RORA: variants seen among roughly 807,000 people sequenced by gnomAD.
The protein encoded by RORA is RAR related orphan receptor A.
Under a neutral mutation model 69.5 loss-of-function variants are expected in RORA, and 7 were observed. That is an observed-to-expected ratio of 0.10 (90% CI 0.06 to 0.19). The LOEUF (loss-of-function observed/expected upper bound fraction) is 0.19. Ranked by LOEUF, RORA falls within the 10% of genes least tolerant of loss-of-function variation. The pLI is 1.00. For missense variants in RORA, 457 were observed against 663.0 expected (o/e 0.69, Z 3.41); for synonymous variants, 261 against 240.8 (o/e 1.08, Z -0.78).
chr15:60,957,432 G>T (rs1893301076), intron 1 of RORA, among the ~76,000 whole-genome samples: 1 of 152,242 alleles, frequency 6.6e-6, no homozygotes, highest in Non-Finnish European at 1.5e-5. Context: ...TGTAGCTGTT[G>T]TTCCAACAGT....
intron 1 of RORA, among the ~76,000 whole-genome samples, chr15:60,976,935 A>G (rs973064012): frequency 2.6e-5 from 4 of 152,166 alleles, no homozygotes; most frequent in African/African-American, 4.8e-5. Flanking sequence ...GCCTGGAAGT[A>G]AATATCACTT....
At chr15:60,692,922 A>G (rs1169890204) in intron 1 of RORA, among the ~76,000 whole-genome samples, 1 of 152,204 alleles carries the variant, frequency 6.6e-6, no homozygotes, top group Non-Finnish European at 1.5e-5. Context: ...ACAATTGAAA[A>G]AGAGGGACTC....
chr15:61,015,630 C>T (rs1020040809), intron 1 of RORA, among the ~76,000 whole-genome samples: 18 of 152,106 alleles, frequency 1.2e-4, no homozygotes, highest in African/African-American at 3.9e-4. Context: ...ACCACAATGC[C>T]ATGAAGTCTG....
chr15:60,748,307 G>T (rs2071676336), intron 1 of RORA, among the ~76,000 whole-genome samples: 1 of 57,038 alleles, frequency 1.8e-5, no homozygotes. Flanking sequence ...GATATAATTA[G>T]CGAAAAAAAA....
At chr15:60,809,791 T>TG (rs1378316852) in intron 1 of RORA, among the ~76,000 whole-genome samples, 69 of 151,354 alleles carry the variant, frequency 4.6e-4, no homozygotes, top group Non-Finnish European at 5.6e-4. Context: ...AATATTATGT[T>TG]TTTTTTTTCT....
At chr15:60,989,450 T>A (rs763074947) in intron 1 of RORA, among the ~76,000 whole-genome samples, 2 of 152,256 alleles carry the variant, frequency 1.3e-5, no homozygotes, top group Non-Finnish European at 1.5e-5. Context: ...AACCACTATT[T>A]ATGTATCCAT....
chr15:60,641,308 C>T (rs983904709), intron 2 of RORA, among the ~76,000 whole-genome samples: 2 of 152,070 alleles, frequency 1.3e-5, no homozygotes, highest in Non-Finnish European at 2.9e-5. Flanking sequence ...ACCTAGGAGG[C>T]CCTTGGGAAG....
chr15:60,692,456 C>T (rs2070841770), intron 1 of RORA, among the ~76,000 whole-genome samples: 1 of 152,058 alleles, frequency 6.6e-6, no homozygotes, highest in Admixed American at 6.5e-5. Context: ...GAAAACAGAA[C>T]ACAATAGCAA....
chr15:61,190,881 T>C (rs911515999), intron 1 of RORA, among the ~76,000 whole-genome samples: 2 of 152,214 alleles, frequency 1.3e-5, no homozygotes, highest in African/African-American at 4.8e-5. Flanking sequence ...TATAAATGCT[T>C]TTGCTTATAT....
At chr15:61,081,094 C>T (rs922122587) in intron 1 of RORA, among the ~76,000 whole-genome samples, 7 of 152,202 alleles carry the variant, frequency 4.6e-5, no homozygotes, top group African/African-American at 1.7e-4. Flanking sequence ...CCCCACAGTA[C>T]ATACATATTT....
At chr15:60,874,501 T>C (rs1595782969) in intron 1 of RORA, among the ~76,000 whole-genome samples, 1 of 152,182 alleles carries the variant, frequency 6.6e-6, no homozygotes, top group Admixed American at 6.5e-5. Flanking sequence ...TCCACCATTG[T>C]GGTACAAAAG....
intron 1 of RORA, among the ~76,000 whole-genome samples, chr15:60,925,452 G>A (rs904450436): frequency 6.6e-6 from 1 of 152,224 alleles, no homozygotes; most frequent in Non-Finnish European, 1.5e-5. Flanking sequence ...GCCCTACTCT[G>A]TTTCTCCTCC....
chr15:61,040,448 T>G (rs989932937), intron 1 of RORA, among the ~76,000 whole-genome samples: 10 of 152,094 alleles, frequency 6.6e-5, no homozygotes, highest in African/African-American at 2.4e-4. Flanking sequence ...CGCAAAACAT[T>G]GATATAAAGC....
rs776913105 is a variant in RORA at position 61,191,517 on chromosome 15, T to A, written c.166+37536A>T. Reference sequence around the variant, plus strand: ...CCCAGGACACCACAAGGCTGGCTATTGTACTTCTTAGGCTGTGTCAAAACC... The same window carrying A: ...CCCAGGACACCACAAGGCTGGCTATAGTACTTCTTAGGCTGTGTCAAAACC... On this transcript the variant is annotated intron_variant, in intron 1 of 10. Coordinates refer to ENST00000335670, the MANE Select transcript of RORA (RefSeq NM_134261.3). 1.3e-3 allele frequency among the ~76,000 whole-genome samples: 199 copies of A among 152,314 alleles called. 1 individual carries two copies. The highest frequency in any genetic ancestry group is 1.0e-3 in the Non-Finnish European group (70 of 68,028).
At chr15:60,991,142 G>A (rs1263751403) in intron 1 of RORA, among the ~76,000 whole-genome samples, 1 of 152,188 alleles carries the variant, frequency 6.6e-6, no homozygotes, top group African/African-American at 2.4e-5. Context: ...CTATACCCAG[G>A]AAATAATAAA....
At chr15:60,977,787 T>C (rs1180327066) in intron 1 of RORA, among the ~76,000 whole-genome samples, 4 of 152,226 alleles carry the variant, frequency 2.6e-5, no homozygotes, top group Admixed American at 2.6e-4. Flanking sequence ...CATGTATCAG[T>C]ATTCCCCTCC....
chr15:60,974,207 T>G (rs1893811053), intron 1 of RORA, among the ~76,000 whole-genome samples: 1 of 152,184 alleles, frequency 6.6e-6, no homozygotes, highest in African/African-American at 2.4e-5. Flanking sequence ...CAGGCTTAAC[T>G]CCATTAGTCA....
chr15:60,901,575 A>G (rs1430088084), intron 1 of RORA, among the ~76,000 whole-genome samples: 4 of 152,226 alleles, frequency 2.6e-5, no homozygotes, highest in Non-Finnish European at 5.9e-5. Context: ...AAATAACTTA[A>G]CAAGTATTTA....
intron 1 of RORA, among the ~76,000 whole-genome samples, chr15:61,085,892 A>AGTT (rs1344515084): frequency 6.6e-6 from 1 of 152,226 alleles, no homozygotes; most frequent in Non-Finnish European, 1.5e-5. Flanking sequence ...GGCCACTTGC[A>AGTT]GTTATAAAAC....
Sources: gnomAD v4.1 joint callset for allele counts (sites outside exome capture counted in the v4.1 genomes callset) on GRCh38, gnomAD v4.1.1 for gene constraint, MANE v1.5 for transcripts, NCBI Gene and HGNC (gene_info 2026-07-23, HGNC 2026-07-21) for gene names.